Variants in NUDT3 observed in about 807,000 individuals in gnomAD.
NUDT3 encodes the protein diphosphoinositol polyphosphate phosphohydrolase 1.
Under a neutral mutation model 23.6 loss-of-function variants are expected in NUDT3, and 9 were observed. The ratio of observed to expected loss-of-function variants is 0.38; its 90% CI spans 0.23 to 0.66. The LOEUF (loss-of-function observed/expected upper bound fraction) is 0.66, where lower values mean the gene tolerates loss of function less well. Among genes scored for constraint, NUDT3 ranks in the 30% least tolerant of loss-of-function variants. NUDT3 has a pLI of 0.52. For synonymous variants in NUDT3, 86 were observed against 82.6 expected, an observed-to-expected ratio of 1.04 and a Z score of -0.22; for missense variants, 172 against 218.5, an observed-to-expected ratio of 0.79 and a Z score of 1.34.
chr6:34,307,964 CA>C (rs1181823633), intron 2 of NUDT3, among the ~76,000 whole-genome samples: 1 of 150,136 alleles, frequency 6.7e-6, no homozygotes, highest in Non-Finnish European at 1.5e-5. Context: ...CCTAAAAATA[CA>C]AAAAAATTAG....
intron 2 of NUDT3, among the ~76,000 whole-genome samples, chr6:34,327,088 G>A (rs1373062125): frequency 6.6e-6 from 1 of 151,970 alleles, no homozygotes; most frequent in Non-Finnish European, 1.5e-5. Context: ...ACAAAACAAG[G>A]GGGCAGGGTA....
intron 2 of NUDT3, among the ~76,000 whole-genome samples, chr6:34,305,376 C>T (rs1343757919): frequency 6.6e-6 from 1 of 152,124 alleles, no homozygotes; most frequent in Non-Finnish European, 1.5e-5. Context: ...TTGTAACATT[C>T]TTATAATTTA....
intron 1 of NUDT3, among the ~76,000 whole-genome samples, chr6:34,390,212 T>C (rs1581907904): frequency 6.6e-6 from 1 of 151,226 alleles, no homozygotes; most frequent in East Asian, 1.9e-4. Context: ...TAGAATCGCC[T>C]GAACCTGGGA....
At chr6:34,387,775 A>G (rs914435176) in intron 1 of NUDT3, among the ~76,000 whole-genome samples, 63 of 151,818 alleles carry the variant, frequency 4.1e-4, no homozygotes, top group Admixed American at 3.0e-3. Flanking sequence ...AAGTATTACA[A>G]ACGAGTCAGA....
At chr6:34,316,772 G>A (rs1290961153) in intron 2 of NUDT3, among the ~76,000 whole-genome samples, 1 of 152,218 alleles carries the variant, frequency 6.6e-6, no homozygotes, top group Non-Finnish European at 1.5e-5. Context: ...CTGGAGCACA[G>A]TGAGAAAGAG....
chr6:34,296,761 T>G (rs1763505894), intron 2 of NUDT3, among the ~76,000 whole-genome samples: 1 of 152,104 alleles, frequency 6.6e-6, no homozygotes, highest in Admixed American at 6.6e-5. Flanking sequence ...GACTTGGCTG[T>G]CTGTATACAA....
At chr6:34,296,935 CTTTTT>C (rs566118949) in intron 2 of NUDT3, among the ~76,000 whole-genome samples, 1 of 134,712 alleles carries the variant, frequency 7.4e-6, no homozygotes, top group African/African-American at 2.7e-5. Context: ...GTGGTTAGAC[CTTTTT>C]TTTTTTTTTT....
intron 2 of NUDT3, among the ~76,000 whole-genome samples, chr6:34,328,366 G>A (rs1173347282): frequency 6.6e-6 from 1 of 152,164 alleles, no homozygotes; most frequent in African/African-American, 2.4e-5. Context: ...TACCACTAGT[G>A]TATTAGTGTA....
At chr6:34,304,657 CTTT>C (rs550653985) in intron 2 of NUDT3, among the ~76,000 whole-genome samples, 1 of 142,116 alleles carries the variant, frequency 7.0e-6, no homozygotes, top group African/African-American at 2.6e-5. Flanking sequence ...TTTCTTTTTC[CTTT>C]TTTTTTTTGT....
chr6:34,388,024 C>T (rs1367944615), intron 1 of NUDT3, among the ~76,000 whole-genome samples: 2 of 151,924 alleles, frequency 1.3e-5, no homozygotes, highest in African/African-American at 4.8e-5. Context: ...TTTTTTGTAC[C>T]GTATTTTTCC....
At chr6:34,392,162 G>T in intron 1 of NUDT3, 102 bp downstream of exon 1, 1 of 790,174 alleles carries the variant, frequency 1.3e-6, no homozygotes, top group Non-Finnish European at 1.9e-6. Context: ...GCCCGAGCGG[G>T]GCGGCCCTGG....
At chr6:34,293,585 GA>G in intron 3 of NUDT3, 50 bp from the exon 4 acceptor site, 19 of 1,606,912 alleles carry the variant, frequency 1.2e-5, no homozygotes, top group Non-Finnish European at 1.5e-5. Flanking sequence ...TAGAAAGCTG[GA>G]ATTACTTAAA....
intron 2 of NUDT3, among the ~76,000 whole-genome samples, chr6:34,308,478 A>G (rs1763719089): frequency 6.6e-6 from 1 of 151,640 alleles, no homozygotes; most frequent in Admixed American, 6.6e-5. Context: ...AAAAAAAAAA[A>G]TACTGAGACT....
In NUDT3 at chr6:34,341,952, A is replaced by G. The variant is rs1386614942; in HGVS notation, c.120T>C (p.Ser40=). The G allele has an allele frequency of 6.2e-7, 1 of 1,613,802 alleles. No individual in the cohort carries two copies. The highest frequency in any genetic ancestry group is 8.5e-7 in the Non-Finnish European group (1 of 1,179,872). The stretch of plus-strand genomic sequence containing the variant: ...GGACAATCCATCTGTCTGGATGGCG[A>G]CTACTGCTCACGAGTAGCACCTGTT... ...SEEEVLLVSS[S]RHPDRWIVPG... Residue 40 remains serine (S), a synonymous_variant, in exon 2 of 5, where the codon AGT becomes AGC. Coordinates refer to ENST00000607016, the MANE Select transcript of NUDT3 (RefSeq NM_006703.4).
chr6:34,383,084 G>A (rs1252342883), intron 1 of NUDT3, among the ~76,000 whole-genome samples: 107 of 145,548 alleles, frequency 7.4e-4, no homozygotes, highest in Non-Finnish European at 1.0e-3. Flanking sequence ...CCAAGATGGC[G>A]CCATTGCACT....
At chr6:34,382,810 G>A (rs1215775124) in intron 1 of NUDT3, among the ~76,000 whole-genome samples, 2 of 151,524 alleles carry the variant, frequency 1.3e-5, no homozygotes, top group Non-Finnish European at 2.9e-5. Context: ...CAACCTGGAT[G>A]ACAGAGCAAG....
chr6:34,370,452 G>T (rs973513310), intron 1 of NUDT3, among the ~76,000 whole-genome samples: 1 of 152,192 alleles, frequency 6.6e-6, no homozygotes, highest in African/African-American at 2.4e-5. Context: ...AGTCACATCT[G>T]TTCTTCAGCA....
intron 2 of NUDT3, 111 bp from the exon 3 acceptor site, chr6:34,295,796 T>G: frequency 7.6e-7 from 1 of 1,311,850 alleles, no homozygotes; most frequent in Non-Finnish European, 1.1e-6. Context: ...AGGACACAGC[T>G]TGGGCAGACT....
Position 34,380,003 on chromosome 6 carries a change from T to TA in NUDT3, c.99+12260dup, listed in dbSNP as rs925300768. 2.4e-3 allele frequency among the ~76,000 whole-genome samples: 349 copies of TA among 146,240 alleles called. 2 individuals are homozygous for TA. Among genetic ancestry groups the TA allele is most frequent in the African/African-American group, 7.2e-3 (288 of 40,206 alleles). On this transcript the variant is annotated intron_variant, in intron 1 of 4. Transcript: ENST00000607016. Reference sequence around the variant, plus strand: ...GCATGGACAAGAGTGAACTCCATCTTAAAAAAAAAAAATAGTAAATACATA... The same window carrying TA: ...GCATGGACAAGAGTGAACTCCATCTTAAAAAAAAAAAAATAGTAAATACATA...
Sources: allele counts gnomAD v4.1 joint callset (sites outside exome capture counted in the v4.1 genomes callset), GRCh38; gene constraint gnomAD v4.1.1; transcripts MANE v1.5; gene names NCBI Gene and HGNC (gene_info 2026-07-23, HGNC 2026-07-21).